The following CDYL2 variants were observed in gnomAD, a reference collection of about 807,000 sequenced individuals.
CDYL2 encodes chromodomain Y-like protein 2.
A neutral mutation model predicts 49.4 loss-of-function variants in CDYL2; 23 were observed. That is an observed-to-expected ratio of 0.47 (90% CI 0.34 to 0.66). The LOEUF (loss-of-function observed/expected upper bound fraction) is 0.66, where lower values mean the gene tolerates loss of function less well. CDYL2 is among the 30% of genes least tolerant of loss of function. The pLI is 0.01. For synonymous variants in CDYL2, 360 were observed against 268.8 expected, an observed-to-expected ratio of 1.34 and a Z score of -3.32; for missense variants, 678 against 656.4, an observed-to-expected ratio of 1.03 and a Z score of -0.36.
Position 80,599,111 on chromosome 16 carries a change from G to T in CDYL2, c.*5277C>A, listed in dbSNP as rs768237092. 6.6e-6 allele frequency: 1 copy of T among 152,002 alleles called. No homozygotes were observed. Among genetic ancestry groups the T allele is most frequent in the African/African-American group, 2.4e-5 (1 of 41,368 alleles). 9.4% of individuals were successfully genotyped at this position (152,002 alleles called of 1,614,324 possible). ...AGCTCCAGCATCAGGCTAGAAATAA[G>T]AGCTCCAGCATCAGGCTAGATGTTG... On this transcript the variant is annotated 3_prime_UTR_variant, in exon 7 of 7. Transcript: ENST00000570137.
chr16:80,704,902 G>A (rs903245459), intron 1 of CDYL2, among the ~76,000 whole-genome samples: 1 of 152,196 alleles, frequency 6.6e-6, no homozygotes, highest in Admixed American at 6.5e-5. Flanking sequence ...GATCCTAAGT[G>A]CAAAATAAGC....
intron 2 of CDYL2, among the ~76,000 whole-genome samples, chr16:80,665,822 A>T (rs779283830): frequency 6.6e-6 from 1 of 152,196 alleles, no homozygotes; most frequent in Non-Finnish European, 1.5e-5. Context: ...TTCCATGGAA[A>T]AGTCACAAAA....
Position 80,752,864 on chromosome 16 carries a change from C to T in CDYL2, c.24+51286G>A, listed in dbSNP as rs547504376. 8.2e-4 allele frequency among the ~76,000 whole-genome samples: 125 copies of T among 152,286 alleles called. 1 individual carries two copies. Among genetic ancestry groups the T allele is most frequent in the African/African-American group, 2.8e-3 (118 of 41,570 alleles). On this transcript the variant is annotated intron_variant, in intron 1 of 6. Transcript: ENST00000570137. The stretch of plus-strand genomic sequence containing the variant: ...AATCAACTCTCAGAAGCTAGTGCAG[C>T]ACACAAATGTGACAAAACCAGAGGG...
At chr16:80,729,080 G>T (rs1410128701) in intron 1 of CDYL2, among the ~76,000 whole-genome samples, 1 of 151,608 alleles carries the variant, frequency 6.6e-6, no homozygotes, top group Non-Finnish European at 1.5e-5. Context: ...ATAATGACAG[G>T]TTCAAATTCA....
chr16:80,732,203 T>C (rs1291241004), intron 1 of CDYL2, among the ~76,000 whole-genome samples: 2 of 152,210 alleles, frequency 1.3e-5, no homozygotes, highest in East Asian at 3.8e-4. Context: ...TCACTGATGA[T>C]GAAAACACTT....
intron 1 of CDYL2, among the ~76,000 whole-genome samples, chr16:80,712,452 C>G (rs1420468134): frequency 4.0e-5 from 6 of 151,880 alleles, no homozygotes; most frequent in African/African-American, 1.5e-4. Context: ...ATGTCGGCTG[C>G]GCCTCACATC....
At chr16:80,792,687 CTCCACCCAGGAGTATCACGTA>C (rs1299721753) in intron 1 of CDYL2, among the ~76,000 whole-genome samples, 1 of 152,136 alleles carries the variant, frequency 6.6e-6, no homozygotes, top group East Asian at 1.9e-4. Context: ...TAACGTGATA[CTCCACCCAGGAGTATCACGTA>C]TCCACCCAGG....
intron 1 of CDYL2, among the ~76,000 whole-genome samples, chr16:80,780,802 G>A (rs1179874109): frequency 1.3e-5 from 2 of 152,136 alleles, no homozygotes; most frequent in Non-Finnish European, 2.9e-5. Context: ...ATGTCAGTAA[G>A]AATAGCAGAC....
At chr16:80,618,920 G>A (rs910786983) in intron 4 of CDYL2, among the ~76,000 whole-genome samples, 3 of 152,174 alleles carry the variant, frequency 2.0e-5, no homozygotes, top group Admixed American at 6.5e-5. Context: ...GTTTCCCAGG[G>A]AACAGTCACC....
intron 1 of CDYL2, among the ~76,000 whole-genome samples, chr16:80,772,138 G>GAAAAAAAAAA: frequency 6.6e-6 from 1 of 152,050 alleles, no homozygotes. Context: ...TTTACTTCAT[G>GAAAAAAAAAA]AAAAAACATC....
chr16:80,630,253 G>A (rs1388063460), intron 3 of CDYL2, among the ~76,000 whole-genome samples: 4 of 152,194 alleles, frequency 2.6e-5, no homozygotes, highest in Non-Finnish European at 4.4e-5. Flanking sequence ...GATTAGGGCA[G>A]GAACCCCAAT....
At chr16:80,695,099 T>C (rs951075184) in intron 1 of CDYL2, among the ~76,000 whole-genome samples, 2 of 152,266 alleles carry the variant, frequency 1.3e-5, no homozygotes, top group Non-Finnish European at 2.9e-5. Flanking sequence ...TAGCCAATTA[T>C]GGCCTGCAGG....
At chr16:80,725,656 A>G (rs1905140113) in intron 1 of CDYL2, among the ~76,000 whole-genome samples, 1 of 152,242 alleles carries the variant, frequency 6.6e-6, no homozygotes, top group South Asian at 2.1e-4. Flanking sequence ...CCAGCAGTCC[A>G]CAAGAAACTC....
intron 1 of CDYL2, among the ~76,000 whole-genome samples, chr16:80,749,333 C>A (rs1234961966): frequency 6.6e-6 from 1 of 152,114 alleles, no homozygotes; most frequent in Non-Finnish European, 1.5e-5. Flanking sequence ...TGGTCACCTG[C>A]CTATGGTAGT....
At position 80,603,219 on chromosome 16, in the gene CDYL2, T is replaced by C. The variant is rs1170604196; in HGVS notation, c.*1169A>G. On this transcript the variant is annotated 3_prime_UTR_variant, in exon 7 of 7. Coordinates refer to ENST00000570137, the MANE Select transcript of CDYL2 (RefSeq NM_152342.4). ...CACTGATCACATGGAAGCAACAGAC[T>C]GCAGGATCCAAGTTCAGTCATTTGC... The C allele has an allele frequency of 6.6e-6, 1 of 152,252 alleles. No homozygotes were observed. Among genetic ancestry groups the C allele is most frequent in the East Asian group, 1.9e-4 (1 of 5,198 alleles). The allele number at this position is 152,252 out of a possible 1,614,324, so 9.4% of individuals were successfully genotyped here.
chr16:80,771,198 G>C (rs932021844), intron 1 of CDYL2, among the ~76,000 whole-genome samples: 1 of 152,158 alleles, frequency 6.6e-6, no homozygotes, highest in Non-Finnish European at 1.5e-5. Flanking sequence ...AACCACACTA[G>C]GCCTCAGTTC....
chr16:80,662,867 C>A, intron 2 of CDYL2: 1 of 432,324 alleles, frequency 2.3e-6, no homozygotes, highest in Non-Finnish European at 4.6e-6. Flanking sequence ...TCCTCACCAC[C>A]AGATGGATTC....
At position 80,598,294 on chromosome 16, in the gene CDYL2, T is replaced by G. The variant is rs1297817100; in HGVS notation, c.*6094A>C. The G allele has an allele frequency of 1.3e-5, 2 of 152,126 alleles. No individual in the cohort carries two copies. Among genetic ancestry groups the G allele is most frequent in the East Asian group, 3.9e-4 (2 of 5,192 alleles). 9.4% of individuals were successfully genotyped at this position (152,126 alleles called of 1,614,324 possible). ...TGGATTTTGGTGTATGCTACATCCA[T>G]GATCAAATCCAAACACTCCTAGGGT... is the stretch of plus-strand genomic sequence containing the variant. On this transcript the variant is annotated 3_prime_UTR_variant, in exon 7 of 7. Coordinates refer to ENST00000570137, the MANE Select transcript of CDYL2 (RefSeq NM_152342.4).
At chr16:80,698,359 T>C (rs1468834090) in intron 1 of CDYL2, among the ~76,000 whole-genome samples, 2 of 152,150 alleles carry the variant, frequency 1.3e-5, no homozygotes, top group Admixed American at 6.6e-5. Context: ...AATTATGCAT[T>C]TGACAAGGGA....
Sources: allele counts gnomAD v4.1 joint callset (sites outside exome capture counted in the v4.1 genomes callset), GRCh38; gene constraint gnomAD v4.1.1; transcripts MANE v1.5; gene names NCBI Gene and HGNC (gene_info 2026-07-23, HGNC 2026-07-21).